The following CACNG2 variants were observed in gnomAD, a reference collection of about 807,000 sequenced individuals.
CACNG2 encodes calcium voltage-gated channel auxiliary subunit gamma 2.
CACNG2 carries 3 observed loss-of-function variants against 25.9 expected under a neutral mutation model. The ratio of observed to expected loss-of-function variants is 0.12; its 90% confidence interval spans 0.05 to 0.30. The LOEUF is 0.30. CACNG2 is among the 10% of genes least tolerant of loss of function. CACNG2 has a pLI of 1.00. For missense variants in CACNG2, 341 were observed against 432.5 expected (o/e 0.79, Z 1.88); for synonymous variants, 167 against 173.3 (o/e 0.96, Z 0.29).
At chr22:36,580,347 C>G (rs1263807761) in intron 2 of CACNG2, among the ~76,000 whole-genome samples, 1 of 152,176 alleles carries the variant, frequency 6.6e-6, no homozygotes, top group Non-Finnish European at 1.5e-5. Context: ...TGGCTTCCCC[C>G]AGGCTGCCTG....
At chr22:36,634,997 A>G (rs950961584) in intron 1 of CACNG2, among the ~76,000 whole-genome samples, 3 of 152,226 alleles carry the variant, frequency 2.0e-5, no homozygotes, top group Non-Finnish European at 4.4e-5. Context: ...AAAATGGTCA[A>G]TCAAGGCCAG....
intron 1 of CACNG2, among the ~76,000 whole-genome samples, chr22:36,591,451 C>T (rs552416194): frequency 6.6e-6 from 1 of 152,186 alleles, no homozygotes; most frequent in East Asian, 1.9e-4. Context: ...AGGAGGATCC[C>T]TTGAACCCAG....
chr22:36,603,924 T>C (rs1317578557), intron 1 of CACNG2, among the ~76,000 whole-genome samples: 1 of 152,248 alleles, frequency 6.6e-6, no homozygotes, highest in Non-Finnish European at 1.5e-5. Context: ...TAATTTTGAC[T>C]TGGAAGTCTT....
chr22:36,601,487 C>T lies in CACNG2; in HGVS notation c.212-13939G>A, dbSNP rs1378156266. ...TGCAATGAACATGGGAGTGTAGATA[C>T]CTTTTTTATTTTTTATTTTTTTTTG... On this transcript the variant is annotated intron_variant, in intron 1 of 3. Transcript: ENST00000300105. Among the ~76,000 whole-genome samples the T allele has an allele frequency of 9.2e-5, 14 of 151,410 alleles. No individual in the cohort carries two copies. The East Asian group carries it at 2.7e-3, about 29-fold the overall frequency.
intron 1 of CACNG2, among the ~76,000 whole-genome samples, chr22:36,673,672 C>T (rs1936984044): frequency 6.6e-6 from 1 of 152,092 alleles, no homozygotes; most frequent in Non-Finnish European, 1.5e-5. Flanking sequence ...CTCGCTGCTG[C>T]TGAGAGCCAG....
chr22:36,637,960 T>G (rs949446409), intron 1 of CACNG2, among the ~76,000 whole-genome samples: 1 of 151,528 alleles, frequency 6.6e-6, no homozygotes, highest in African/African-American at 2.4e-5. Flanking sequence ...AGGTGGAGGT[T>G]GCAGTGAGCC....
Position 36,674,497 on chromosome 22 carries a change from T to C in CACNG2, c.211+27869A>G, listed in dbSNP as rs1407868094. Among the ~76,000 whole-genome samples the C allele has an allele frequency of 2.0e-5, 3 of 152,066 alleles. No homozygotes were observed. In the East Asian group the frequency reaches 5.8e-4, roughly 29 times the overall value. The stretch of plus-strand genomic sequence containing the variant: ...ACGTGCACCACCATGCTCAGCTAAT[T>C]TTTGTATTTTCAGTACAGAGAGAGT... On this transcript the variant is annotated intron_variant, in intron 1 of 3. Coordinates refer to ENST00000300105, the MANE Select transcript of CACNG2 (RefSeq NM_006078.5).
At chr22:36,605,991 T>C (rs1439701977) in intron 1 of CACNG2, among the ~76,000 whole-genome samples, 4 of 152,206 alleles carry the variant, frequency 2.6e-5, no homozygotes, top group Non-Finnish European at 5.9e-5. Flanking sequence ...AGAAGCCCTG[T>C]GGTGTGGTGG....
chr22:36,643,991 T>C (rs962893974), intron 1 of CACNG2, among the ~76,000 whole-genome samples: 6 of 152,144 alleles, frequency 3.9e-5, no homozygotes, highest in African/African-American at 1.4e-4. Flanking sequence ...GTTCTAACCA[T>C]GAACTTCACT....
At chr22:36,642,480 C>T (rs1429135944) in intron 1 of CACNG2, among the ~76,000 whole-genome samples, 2 of 152,216 alleles carry the variant, frequency 1.3e-5, no homozygotes, top group Non-Finnish European at 2.9e-5. Flanking sequence ...ATACATGGTA[C>T]AGCTCCACCC....
At chr22:36,672,259 C>T (rs970042066) in intron 1 of CACNG2, among the ~76,000 whole-genome samples, 7 of 152,158 alleles carry the variant, frequency 4.6e-5, no homozygotes, top group East Asian at 3.9e-4. Flanking sequence ...TGGGCTCAAG[C>T]GATCTTCCCA....
intron 1 of CACNG2, among the ~76,000 whole-genome samples, chr22:36,701,853 C>G (rs1468144269): frequency 6.6e-6 from 1 of 152,128 alleles, no homozygotes; most frequent in African/African-American, 2.4e-5. Context: ...AATAAGGATT[C>G]TTAGAAACAA....
intron 1 of CACNG2, among the ~76,000 whole-genome samples, chr22:36,616,382 T>A (rs982123032): frequency 1.3e-5 from 2 of 152,236 alleles, no homozygotes; most frequent in Non-Finnish European, 2.9e-5. Flanking sequence ...AGATAAGACA[T>A]ATTAAATACC....
rs1935049778 is a variant in CACNG2 at position 36,562,756 on chromosome 22, CTCTT to C, written c.*1591_*1594del. On this transcript the variant is annotated 3_prime_UTR_variant, in exon 4 of 4. Coordinates refer to ENST00000300105, the MANE Select transcript of CACNG2 (RefSeq NM_006078.5). ...CCTGTGTGCGTGTGGGGTGTGTGGT[CTCTT>C]TCTTTGTTGGATTCTGTCTTCCCCC... 1.3e-5 allele frequency: 2 copies of C among 152,076 alleles called. No individual in the cohort carries two copies. Among genetic ancestry groups the C allele is most frequent in the South Asian group, 2.1e-4 (1 of 4,814 alleles). 9.4% of individuals were successfully genotyped at this position (152,076 alleles called of 1,614,324 possible). A position where few individuals can be genotyped will look rare whatever the true frequency, so the allele number is the denominator to read the frequency against.
intron 2 of CACNG2, among the ~76,000 whole-genome samples, chr22:36,583,783 G>A (rs1016443431): frequency 8.5e-5 from 13 of 152,138 alleles, no homozygotes; most frequent in African/African-American, 3.1e-4. Flanking sequence ...ACAGCAGCCA[G>A]GCTGATGTGT....
At chr22:36,662,566 T>C (rs922501544) in intron 1 of CACNG2, among the ~76,000 whole-genome samples, 1 of 152,212 alleles carries the variant, frequency 6.6e-6, no homozygotes, top group South Asian at 2.1e-4. Flanking sequence ...TCCTTCTCTG[T>C]GCCTGACTCA....
intron 1 of CACNG2, among the ~76,000 whole-genome samples, chr22:36,663,591 A>G (rs917831488): frequency 1.3e-5 from 2 of 152,180 alleles, no homozygotes; most frequent in African/African-American, 4.8e-5. Context: ...GATCACAGGA[A>G]CTAGAGGGAC....
intron 2 of CACNG2, among the ~76,000 whole-genome samples, chr22:36,576,039 A>G (rs1935306761): frequency 6.6e-6 from 1 of 152,184 alleles, no homozygotes; most frequent in South Asian, 2.1e-4. Context: ...GGTGTAGCCA[A>G]TGGCCGTGAG....
intron 1 of CACNG2, among the ~76,000 whole-genome samples, chr22:36,594,663 AG>A (rs1041458424): frequency 6.6e-6 from 1 of 151,750 alleles, no homozygotes; most frequent in Non-Finnish European, 1.5e-5. Context: ...TGAAGCAGGG[AG>A]GGGTCCGTGT....
Sources: allele counts gnomAD v4.1 joint callset (sites outside exome capture counted in the v4.1 genomes callset), GRCh38; gene constraint gnomAD v4.1.1; transcripts MANE v1.5; gene names NCBI Gene and HGNC (gene_info 2026-07-23, HGNC 2026-07-21).